Variants in TBC1D22A observed in about 807,000 individuals in gnomAD.
TBC1D22A encodes the protein TBC1 domain family member 22A.
Under a neutral mutation model 60.2 loss-of-function variants are expected in TBC1D22A, and 38 were observed. The ratio of observed to expected loss-of-function variants is 0.63; its 90% CI spans 0.49 to 0.83. TBC1D22A has a LOEUF of 0.83. Among genes scored for constraint, TBC1D22A ranks in the 40% least tolerant of loss-of-function variants. The probability of loss-of-function intolerance (pLI) is 0.00; values close to 1 mark genes in which losing one functional copy is unlikely to be tolerated. For synonymous variants in TBC1D22A, 302 were observed against 281.7 expected (o/e 1.07, Z -0.72); for missense variants, 628 against 701.0 (o/e 0.90, Z 1.18).
intron 3 of TBC1D22A, among the ~76,000 whole-genome samples, 153 bp downstream of exon 3, chr22:46,793,994 G>A (rs891281737): frequency 3.9e-5 from 6 of 152,236 alleles, no homozygotes; most frequent in African/African-American, 1.4e-4. Flanking sequence ...TCTTCCAAGG[G>A]TAGGGGAGTG....
chr22:46,992,046 T>C (rs1320274606), intron 9 of TBC1D22A, among the ~76,000 whole-genome samples: 1 of 152,176 alleles, frequency 6.6e-6, no homozygotes, highest in African/African-American at 2.4e-5. Context: ...TGATGAACAT[T>C]GGCTCAGCTG....
chr22:46,998,694 A>T lies in TBC1D22A; in HGVS notation c.1201+985A>T, dbSNP rs565562071. Among the ~76,000 whole-genome samples, 28 of 151,872 alleles carry T rather than the reference A, an allele frequency of 1.8e-4. No individual in the cohort carries two copies. The South Asian group carries it at 5.8e-3, about 32-fold the overall frequency. ...TAAAATGGACTCCTACAAATTACAA[A>T]CTCCATTTTGTTCCTTGATTGAATC... On this transcript the variant is annotated intron_variant, in intron 10 of 12. Coordinates refer to ENST00000337137, the MANE Select transcript of TBC1D22A (RefSeq NM_014346.5).
intron 8 of TBC1D22A, among the ~76,000 whole-genome samples, chr22:46,918,144 T>C (rs1008979268): frequency 2.4e-4 from 37 of 152,214 alleles, no homozygotes; most frequent in Non-Finnish European, 4.4e-4. Flanking sequence ...ACGCAGTAAG[T>C]GTCCAGTATG....
chr22:47,081,309 A>G (rs556762170), intron 11 of TBC1D22A, among the ~76,000 whole-genome samples: 1 of 152,322 alleles, frequency 6.6e-6, no homozygotes, highest in South Asian at 2.1e-4. Context: ...CCGCCGTGGT[A>G]GAAACGCTCC....
chr22:46,765,285 G>A (rs1355177464), intron 1 of TBC1D22A, among the ~76,000 whole-genome samples: 1 of 152,132 alleles, frequency 6.6e-6, no homozygotes, highest in African/African-American at 2.4e-5. Flanking sequence ...CCCTGAAGGA[G>A]GAGTCACAGA....
intron 1 of TBC1D22A, among the ~76,000 whole-genome samples, chr22:46,775,067 A>C (rs935812633): frequency 6.6e-6 from 1 of 152,234 alleles, no homozygotes; most frequent in Non-Finnish European, 1.5e-5. Context: ...TGTTTATTGC[A>C]GTCGTCTGGA....
At chr22:46,986,287 T>C (rs2074719689) in intron 9 of TBC1D22A, among the ~76,000 whole-genome samples, 1 of 152,240 alleles carries the variant, frequency 6.6e-6, no homozygotes, top group Non-Finnish European at 1.5e-5. Flanking sequence ...ACTGTCTTCA[T>C]TACTGCAGAT....
Position 46,805,709 on chromosome 22 carries a change from G to T in TBC1D22A, c.637+8089G>T, listed in dbSNP as rs2085096792. 2.0e-5 allele frequency among the ~76,000 whole-genome samples: 3 copies of T among 152,182 alleles called. No homozygotes were observed. The South Asian group carries it at 6.2e-4, about 31-fold the overall frequency. On this transcript the variant is annotated intron_variant, in intron 4 of 12. Coordinates refer to ENST00000337137, the MANE Select transcript of TBC1D22A (RefSeq NM_014346.5). ...AAACCGGGATTCTGGAAACAGAGAGGTGGGATGGGTTGGATATTGGTTTGG... is the reference window on the plus strand; with the variant it reads ...AAACCGGGATTCTGGAAACAGAGAGTTGGGATGGGTTGGATATTGGTTTGG...
intron 11 of TBC1D22A, among the ~76,000 whole-genome samples, chr22:47,049,692 C>T (rs920227135): frequency 2.0e-5 from 3 of 152,228 alleles, no homozygotes; most frequent in Non-Finnish European, 4.4e-5. Context: ...CTCTGTCACA[C>T]TGCCCAGTCA....
chr22:47,000,293 G>A (rs1469367145), intron 10 of TBC1D22A, among the ~76,000 whole-genome samples: 1 of 152,120 alleles, frequency 6.6e-6, no homozygotes, highest in East Asian at 1.9e-4. Context: ...GGGAGGTCTT[G>A]GGGATGGAGG....
intron 4 of TBC1D22A, among the ~76,000 whole-genome samples, chr22:46,865,963 G>A (rs947482379): frequency 4.6e-5 from 7 of 152,216 alleles, no homozygotes; most frequent in African/African-American, 1.7e-4. Flanking sequence ...GCAGAGTGTG[G>A]TGTTGGAATG....
intron 8 of TBC1D22A, among the ~76,000 whole-genome samples, chr22:46,920,273 C>T (rs998643266): frequency 1.3e-5 from 2 of 152,066 alleles, no homozygotes; most frequent in African/African-American, 4.8e-5. Context: ...GAGGCAGAGT[C>T]TTGCTATATT....
At chr22:46,962,115 G>C (rs1449575162) in intron 8 of TBC1D22A, among the ~76,000 whole-genome samples, 1 of 152,188 alleles carries the variant, frequency 6.6e-6, no homozygotes, top group Non-Finnish European at 1.5e-5. Context: ...GGAGATGCGG[G>C]TGTCTCTAGG....
chr22:47,056,206 C>T (rs532360192), intron 11 of TBC1D22A, among the ~76,000 whole-genome samples: 4 of 152,184 alleles, frequency 2.6e-5, no homozygotes, highest in South Asian at 2.1e-4. Context: ...CACACTGCTG[C>T]TCCCCAGCCG....
At chr22:46,956,663 T>C (rs570241605) in intron 8 of TBC1D22A, among the ~76,000 whole-genome samples, 1 of 152,286 alleles carries the variant, frequency 6.6e-6, no homozygotes, top group South Asian at 2.1e-4. Flanking sequence ...GTGTGGTGTG[T>C]GCAGAAGCCT....
At chr22:46,797,295 G>A in intron 3 of TBC1D22A, 149 bp from the exon 4 acceptor site, 1 of 796,562 alleles carries the variant, frequency 1.3e-6, no homozygotes, top group Non-Finnish European at 2.1e-6. Context: ...TCAGTTCCAT[G>A]TTATTGCTCA....
At chr22:46,774,862 A>G (rs2083635945) in intron 1 of TBC1D22A, among the ~76,000 whole-genome samples, 1 of 151,930 alleles carries the variant, frequency 6.6e-6, no homozygotes, top group Non-Finnish European at 1.5e-5. Flanking sequence ...CTTCCTTCTC[A>G]TGTGCGCTGT....
chr22:46,874,815 C>A (rs1307187711), intron 4 of TBC1D22A, among the ~76,000 whole-genome samples: 1 of 152,146 alleles, frequency 6.6e-6, no homozygotes, highest in Non-Finnish European at 1.5e-5. Context: ...CTCAAATGAT[C>A]TGCCCGCCTT....
At chr22:47,046,009 T>C (rs2063019405) in intron 11 of TBC1D22A, among the ~76,000 whole-genome samples, 2 of 152,192 alleles carry the variant, frequency 1.3e-5, no homozygotes, top group Non-Finnish European at 2.9e-5. Context: ...TGAGAAGACC[T>C]AGGCCAAGGA....
Sources: allele counts gnomAD v4.1 joint callset (sites outside exome capture counted in the v4.1 genomes callset), GRCh38; gene constraint gnomAD v4.1.1; transcripts MANE v1.5; gene names NCBI Gene and HGNC (gene_info 2026-07-23, HGNC 2026-07-21).